The following PLPPR1 variants were observed in gnomAD, a reference collection of about 807,000 sequenced individuals.
PLPPR1 encodes the protein phospholipid phosphatase related 1, also known as phospholipid phosphatase-related protein type 1.
In PLPPR1, 10 loss-of-function variants were observed where a neutral mutation model predicts 33.1. The observed-to-expected ratio is 0.30, with a 90% CI of 0.19 to 0.51. PLPPR1 has a LOEUF of 0.51. Among genes scored for constraint, PLPPR1 ranks in the 20% least tolerant of loss-of-function variants. PLPPR1 has a pLI of 0.97. For missense variants in PLPPR1, 304 were observed against 408.1 expected (o/e 0.74, Z 2.20); for synonymous variants, 151 against 151.0 (o/e 1.00, Z 0.00).
intron 1 of PLPPR1, among the ~76,000 whole-genome samples, chr9:101,080,785 C>T (rs917158537): frequency 3.3e-5 from 5 of 152,186 alleles, no homozygotes; most frequent in African/African-American, 2.4e-5. Context: ...TTGCACTCAA[C>T]TGTTTGGAGA....
intron 1 of PLPPR1, among the ~76,000 whole-genome samples, chr9:101,127,153 C>T (rs1195342593): frequency 1.3e-5 from 2 of 151,566 alleles, no homozygotes; most frequent in Non-Finnish European, 3.0e-5. Flanking sequence ...TCCAAGTACT[C>T]AACTTTCCCG....
At chr9:101,255,001 G>A (rs1182318222) in intron 2 of PLPPR1, among the ~76,000 whole-genome samples, 1 of 152,088 alleles carries the variant, frequency 6.6e-6, no homozygotes, top group Non-Finnish European at 1.5e-5. Flanking sequence ...GCTGTGCATG[G>A]TGTTTCCATT....
intron 3 of PLPPR1, among the ~76,000 whole-genome samples, chr9:101,271,774 T>A (rs868267317): frequency 2.6e-5 from 4 of 152,212 alleles, no homozygotes; most frequent in Non-Finnish European, 4.4e-5. Flanking sequence ...CATCCCTGAG[T>A]GATCCATTGA....
chr9:101,043,260 A>T (rs535002401), intron 1 of PLPPR1, among the ~76,000 whole-genome samples: 12 of 151,794 alleles, frequency 7.9e-5, no homozygotes, highest in African/African-American at 2.9e-4. Flanking sequence ...ATGGCTGAGT[A>T]GTATTCCATC....
At chr9:101,316,819 A>C (rs1829061380) in intron 6 of PLPPR1, among the ~76,000 whole-genome samples, 1 of 152,168 alleles carries the variant, frequency 6.6e-6, no homozygotes, top group Non-Finnish European at 1.5e-5. Flanking sequence ...GCTAACATGG[A>C]CTGAATACTT....
Position 101,215,470 on chromosome 9 carries a change from G to A in PLPPR1, c.63+29913G>A, listed in dbSNP as rs141160561. ...CAAATTTTTTATTTTTAGTAGAGTC[G>A]GGGTTTCACCATGTTGGTCAGGCTG... On this transcript the variant is annotated intron_variant, in intron 2 of 7. Transcript: ENST00000374874. Among the ~76,000 whole-genome samples, 272 of 152,122 alleles carry A rather than the reference G, an allele frequency of 1.8e-3. 5 individuals carry two copies. The East Asian group carries it at 0.047, about 27-fold the overall frequency.
intron 1 of PLPPR1, among the ~76,000 whole-genome samples, chr9:101,039,821 A>T (rs767387814): frequency 6.6e-6 from 1 of 151,836 alleles, no homozygotes; most frequent in Non-Finnish European, 1.5e-5. Flanking sequence ...CCCATAATTT[A>T]GTCACCTCCC....
chr9:101,177,145 T>A (rs1160664830), intron 1 of PLPPR1, among the ~76,000 whole-genome samples: 1 of 152,218 alleles, frequency 6.6e-6, no homozygotes, highest in Non-Finnish European at 1.5e-5. Context: ...TCTATTTCTG[T>A]GAAAAATGCC....
At chr9:101,302,226 GAAC>G (rs1828766950) in intron 4 of PLPPR1, among the ~76,000 whole-genome samples, 1 of 152,190 alleles carries the variant, frequency 6.6e-6, no homozygotes, top group African/African-American at 2.4e-5. Context: ...AAAGCACTTA[GAAC>G]AATACTTTGT....
intron 2 of PLPPR1, among the ~76,000 whole-genome samples, chr9:101,246,048 G>T (rs1827591663): frequency 9.2e-6 from 1 of 108,526 alleles, no homozygotes. Flanking sequence ...TCTCAAAATT[G>T]AATATGAATA....
chr9:101,215,827 T>TC (rs906347154), intron 2 of PLPPR1, among the ~76,000 whole-genome samples: 1 of 152,070 alleles, frequency 6.6e-6, no homozygotes, highest in Non-Finnish European at 1.5e-5. Context: ...GATTTTATTT[T>TC]TTTTATTGCT....
chr9:101,231,180 C>T (rs1325831805), intron 2 of PLPPR1, among the ~76,000 whole-genome samples: 1 of 151,840 alleles, frequency 6.6e-6, no homozygotes, highest in Non-Finnish European at 1.5e-5. Context: ...GGAAAACTTT[C>T]ACTGTATCCC....
chr9:101,166,541 C>T (rs1222345579), intron 1 of PLPPR1, among the ~76,000 whole-genome samples: 60 of 151,904 alleles, frequency 3.9e-4, no homozygotes, highest in Non-Finnish European at 1.0e-4. Flanking sequence ...TAAGTGACAT[C>T]GATGAAAGAG....
chr9:101,238,114 C>CGT (rs541452139), intron 2 of PLPPR1, among the ~76,000 whole-genome samples: 1 of 133,274 alleles, frequency 7.5e-6, no homozygotes, highest in East Asian at 2.3e-4. Flanking sequence ...AGCCTATATA[C>CGT]GTGTGTGTAT....
At chr9:101,272,047 AAAATGAAAAT>A in intron 3 of PLPPR1, among the ~76,000 whole-genome samples, 4 of 152,088 alleles carry the variant, frequency 2.6e-5, no homozygotes, top group Non-Finnish European at 2.9e-5. Context: ...CATATACTTA[AAAATGAAAAT>A]ATAAACTTAA....
intron 2 of PLPPR1, among the ~76,000 whole-genome samples, chr9:101,245,762 A>T (rs1827583628): frequency 6.6e-6 from 1 of 151,782 alleles, no homozygotes; most frequent in Non-Finnish European, 1.5e-5. Flanking sequence ...AGTAACCTCT[A>T]CAGTGCTTTC....
intron 2 of PLPPR1, among the ~76,000 whole-genome samples, chr9:101,241,256 A>G (rs1464335656): frequency 6.6e-6 from 1 of 151,964 alleles, no homozygotes; most frequent in Non-Finnish European, 1.5e-5. Context: ...CTGTGAGCCT[A>G]AGGGAGTTGT....
chr9:101,209,596 G>A (rs554583579), intron 2 of PLPPR1, among the ~76,000 whole-genome samples: 13 of 152,274 alleles, frequency 8.5e-5, no homozygotes, highest in African/African-American at 2.4e-4. Flanking sequence ...TCACATGAGG[G>A]ACTGATGTTT....
At chr9:101,180,177 G>T (rs180673108) in intron 1 of PLPPR1, among the ~76,000 whole-genome samples, 14 of 94,620 alleles carry the variant, frequency 1.5e-4, no homozygotes, top group African/African-American at 3.9e-4. Flanking sequence ...CACACACACA[G>T]ACACACACAT....
Sources: allele counts gnomAD v4.1 joint callset (sites outside exome capture counted in the v4.1 genomes callset), GRCh38; gene constraint gnomAD v4.1.1; transcripts MANE v1.5; gene names NCBI Gene and HGNC (gene_info 2026-07-23, HGNC 2026-07-21).